DOCK3: variants seen among roughly 807,000 people sequenced by gnomAD.
The protein encoded by DOCK3 is dedicator of cytokinesis 3.
DOCK3 carries 60 observed loss-of-function variants against 265.6 expected under a neutral mutation model. The observed-to-expected ratio is 0.23, with a 90% CI of 0.18 to 0.28. The LOEUF (loss-of-function observed/expected upper bound fraction) is 0.28. Ranked by LOEUF, DOCK3 falls within the 10% of genes least tolerant of loss-of-function variation. DOCK3 has a pLI of 1.00. For synonymous variants in DOCK3, 881 were observed against 938.0 expected, an observed-to-expected ratio of 0.94 and a Z score of 1.11; for missense variants, 1,981 against 2,594.3, an observed-to-expected ratio of 0.76 and a Z score of 5.14.
intron 27 of DOCK3, among the ~76,000 whole-genome samples, chr3:51,301,065 T>A (rs1456780921): frequency 2.0e-5 from 3 of 152,230 alleles, no homozygotes; most frequent in Non-Finnish European, 4.4e-5. Context: ...TGTTTATTAC[T>A]GCCTCAGTTT....
At chr3:50,903,161 T>A (rs865809034) in intron 4 of DOCK3, among the ~76,000 whole-genome samples, 1 of 152,174 alleles carries the variant, frequency 6.6e-6, no homozygotes, top group Non-Finnish European at 1.5e-5. Context: ...AATACTTTAT[T>A]TCTCTTGCCT....
chr3:50,928,850 C>G (rs761597121), intron 4 of DOCK3, among the ~76,000 whole-genome samples: 2 of 152,116 alleles, frequency 1.3e-5, no homozygotes. Context: ...CAGTAGAAAC[C>G]ATACTTTGGG....
At chr3:51,168,827 T>C (rs2086532869) in intron 12 of DOCK3, among the ~76,000 whole-genome samples, 1 of 151,842 alleles carries the variant, frequency 6.6e-6, no homozygotes, top group Non-Finnish European at 1.5e-5. Context: ...GGAGAAAATA[T>C]TTGCAAACTA....
intron 4 of DOCK3, among the ~76,000 whole-genome samples, chr3:50,914,741 T>G (rs2050031682): frequency 6.6e-6 from 1 of 152,132 alleles, no homozygotes; most frequent in African/African-American, 2.4e-5. Context: ...CAATGTTTCT[T>G]TGTTGATTTT....
chr3:50,918,030 A>G (rs1349909090), intron 4 of DOCK3, among the ~76,000 whole-genome samples: 1 of 151,864 alleles, frequency 6.6e-6, no homozygotes, highest in African/African-American at 2.4e-5. Context: ...TGTCCTTATG[A>G]TAGTTTGCTG....
intron 4 of DOCK3, chr3:50,901,589 T>G: frequency 2.2e-6 from 1 of 451,346 alleles, no homozygotes; most frequent in Non-Finnish European, 4.4e-6. Context: ...GAAACCCAGG[T>G]CCCTGGTGGT....
At chr3:50,682,372 C>T (rs1197777079) in intron 1 of DOCK3, among the ~76,000 whole-genome samples, 1 of 152,206 alleles carries the variant, frequency 6.6e-6, no homozygotes, top group South Asian at 2.1e-4. Context: ...TGTCTTTGTT[C>T]ATATTGTTCC....
At chr3:51,312,304 G>A (rs1231440960) in intron 29 of DOCK3, among the ~76,000 whole-genome samples, 172 bp from the exon 30 acceptor site, 1 of 152,096 alleles carries the variant, frequency 6.6e-6, no homozygotes, top group Non-Finnish European at 1.5e-5. Flanking sequence ...TTCAGAAGGA[G>A]TTAAGGGGGA....
At chr3:51,306,580 C>G (rs1011859003) in intron 27 of DOCK3, among the ~76,000 whole-genome samples, 1 of 152,104 alleles carries the variant, frequency 6.6e-6, no homozygotes, top group African/African-American at 2.4e-5. Flanking sequence ...AGGCTCTGTT[C>G]ATTTGTCTTC....
intron 5 of DOCK3, among the ~76,000 whole-genome samples, chr3:51,007,806 A>T (rs963765438): frequency 1.3e-5 from 2 of 152,172 alleles, no homozygotes; most frequent in African/African-American, 4.8e-5. Flanking sequence ...TATAAGGTGT[A>T]AGGAAGGGCT....
chr3:50,908,128 C>T (rs1054998946), intron 4 of DOCK3, among the ~76,000 whole-genome samples: 12 of 147,810 alleles, frequency 8.1e-5, no homozygotes, highest in Non-Finnish European at 1.3e-4. Context: ...GTGTAGCTAG[C>T]GGTCTATTTT....
chr3:51,093,029 T>C (rs529359010), intron 9 of DOCK3, among the ~76,000 whole-genome samples: 20 of 152,328 alleles, frequency 1.3e-4, no homozygotes, highest in African/African-American at 4.8e-4. Context: ...TTCTGTTCCA[T>C]TGGCCTATAT....
intron 3 of DOCK3, among the ~76,000 whole-genome samples, chr3:50,874,812 G>A (rs757569754): frequency 5.3e-5 from 8 of 152,042 alleles, no homozygotes; most frequent in African/African-American, 1.4e-4. Flanking sequence ...TACTGAATAC[G>A]TTTTTCAGTT....
intron 1 of DOCK3, among the ~76,000 whole-genome samples, chr3:50,708,857 A>G (rs1054091929): frequency 1.3e-5 from 2 of 152,030 alleles, no homozygotes; most frequent in Admixed American, 6.6e-5. Context: ...GCTGAATTTC[A>G]GTGTTCTTTC....
intron 2 of DOCK3, among the ~76,000 whole-genome samples, chr3:50,817,273 C>T (rs2044139506): frequency 1.3e-5 from 2 of 152,114 alleles, no homozygotes; most frequent in South Asian, 4.1e-4. Context: ...ACTTAGAATG[C>T]CTTAACCATC....
At chr3:51,109,677 A>G (rs1388576421) in intron 9 of DOCK3, among the ~76,000 whole-genome samples, 2 of 152,180 alleles carry the variant, frequency 1.3e-5, no homozygotes, top group Non-Finnish European at 2.9e-5. Context: ...TAATCCCAGT[A>G]CTTTGGGAGG....
At chr3:50,891,002 T>C (rs1293681694) in intron 4 of DOCK3, among the ~76,000 whole-genome samples, 1 of 152,084 alleles carries the variant, frequency 6.6e-6, no homozygotes, top group Non-Finnish European at 1.5e-5. Context: ...TCTTGAGATA[T>C]TGGAGCTCAG....
At chr3:50,765,874 A>T (rs2040840871) in intron 1 of DOCK3, among the ~76,000 whole-genome samples, 1 of 152,124 alleles carries the variant, frequency 6.6e-6, no homozygotes, top group African/African-American at 2.4e-5. Context: ...CCTCCTATCT[A>T]ACTGCAACTT....
chr3:50,921,832 G>T (rs1385656785), intron 4 of DOCK3, among the ~76,000 whole-genome samples: 2 of 152,184 alleles, frequency 1.3e-5, no homozygotes, highest in African/African-American at 4.8e-5. Context: ...TCCAGACCCT[G>T]TTTGCCTGGG....
Sources: allele counts gnomAD v4.1 joint callset (sites outside exome capture counted in the v4.1 genomes callset), GRCh38; gene constraint gnomAD v4.1.1; transcripts MANE v1.5; gene names NCBI Gene and HGNC (gene_info 2026-07-23, HGNC 2026-07-21).